Variants in OGDHL observed in about 807,000 individuals in gnomAD.
OGDHL encodes the protein oxoglutarate dehydrogenase L, also known as 2-oxoglutarate dehydrogenase-like, mitochondrial.
A neutral mutation model predicts 109.6 loss-of-function variants in OGDHL; 79 were observed. The ratio of observed to expected loss-of-function variants is 0.72; its 90% CI spans 0.60 to 0.87. The LOEUF is 0.87. Among genes scored for constraint, OGDHL ranks in the 40% least tolerant of loss-of-function variants. The pLI, the probability that OGDHL is intolerant of heterozygous loss-of-function variation, is 0.00. For synonymous variants in OGDHL, 528 were observed against 537.2 expected (o/e 0.98, Z 0.24); for missense variants, 1,275 against 1,362.2 (o/e 0.94, Z 1.01).
chr10:49,752,035 TC>T, intron 5 of OGDHL, 54 bp from the exon 6 acceptor site: 1 of 1,611,980 alleles, frequency 6.2e-7, no homozygotes, highest in Non-Finnish European at 8.5e-7. Context: ...ACGGCTGACA[TC>T]CCTGCTGTCT....
chr10:49,736,547 G>A (rs1208771288), intron 20 of OGDHL, 27 bp from the exon 21 acceptor site: 2 of 1,608,128 alleles, frequency 1.2e-6, no homozygotes, highest in East Asian at 2.2e-5. Flanking sequence ...ACATGGCAGA[G>A]GCGTTGGTAC....
intron 3 of OGDHL, 117 bp downstream of exon 3, chr10:49,756,659 C>T (rs1842933552): frequency 9.5e-7 from 1 of 1,056,390 alleles, no homozygotes; most frequent in African/African-American, 1.6e-5. Context: ...CAGTAGAGGA[C>T]AAGGAGAAGG....
At chr10:49,751,146 C>T (rs1258776351) in intron 6 of OGDHL, among the ~76,000 whole-genome samples, 161 bp from the exon 7 acceptor site, 2 of 152,126 alleles carry the variant, frequency 1.3e-5, no homozygotes, top group African/African-American at 4.8e-5. Flanking sequence ...ACCATGGATA[C>T]ACCTGTCCCA....
chr10:49,754,755 G>A (rs1449106698), intron 3 of OGDHL, among the ~76,000 whole-genome samples: 2 of 151,840 alleles, frequency 1.3e-5, no homozygotes, highest in African/African-American at 4.8e-5. Flanking sequence ...ATGGGACAAT[G>A]GGACAGATGA....
rs117009238 is a variant in OGDHL, at chr10:49,744,434, C to T, written c.1732+216G>A. On this transcript the variant is annotated intron_variant, in intron 13 of 22. Coordinates refer to ENST00000374103, the MANE Select transcript of OGDHL (RefSeq NM_018245.3). ...TCCTCTCCCACCTGGCTATGCCCTC[C>T]CTTTTCAGTGAGCACCTGGCCATCC... Among the ~76,000 whole-genome samples the T allele has an allele frequency of 6.7e-3, 1,022 of 152,250 alleles. 9 individuals are homozygous for T. The highest frequency in any genetic ancestry group is 0.012 in the Non-Finnish European group (806 of 68,010).
intron 20 of OGDHL, among the ~76,000 whole-genome samples, chr10:49,736,783 A>G (rs1316656383): frequency 6.6e-6 from 1 of 152,172 alleles, no homozygotes. Flanking sequence ...GTGGGGGTAC[A>G]ATAAGAAGCG....
At position 49,739,777 on chromosome 10, in the gene OGDHL, C is replaced by A. The variant is rs760594354; in HGVS notation, c.2203G>T (p.Gly735Trp). 1 of 1,614,144 alleles carries A rather than the reference C, an allele frequency of 6.2e-7. No individual in the cohort carries two copies. The change falls in exon 17 of 23, where the codon GGG becomes TGG. Residue 735 changes from glycine to tryptophan, a missense_variant. Physicochemically the swap from Gly to Trp is radical, Grantham distance 184. Coordinates refer to ENST00000374103, the MANE Select transcript of OGDHL (RefSeq NM_018245.3). ...CACTGGGCCGTGTTGTGGAAGTCCC[C>A]AAACTGGGCCTCCCAGAGGACCAGG... ...NALVLWEAQF[G>W]DFHNTAQCII...
chr10:49,742,934 G>A lies in OGDHL; in HGVS notation c.1906C>T (p.Arg636Trp), dbSNP rs773683494. 20 of 1,613,836 alleles carry A rather than the reference G, an allele frequency of 1.2e-5. No homozygotes were observed. In the Admixed American group the frequency reaches 1.8e-4, roughly 15 times the overall value. ...LRGRADMTKN[R>W]TVDWALAEYM... Reference sequence around the variant, plus strand: ...TCTGCCAACGCCCAGTCCACCGTCCGGTTCTTGGTCATGTCCGCACGGCCC... The same window carrying A: ...TCTGCCAACGCCCAGTCCACCGTCCAGTTCTTGGTCATGTCCGCACGGCCC... The change falls in exon 15 of 23, where the codon CGG becomes TGG. Residue 636 changes from arginine to tryptophan, a missense_variant. Coordinates refer to ENST00000374103, the MANE Select transcript of OGDHL (RefSeq NM_018245.3).
Position 49,742,970 on chromosome 10 carries a change from G to A in OGDHL, c.1870C>T (p.Arg624Cys), listed in dbSNP as rs896702031. Reference sequence around the variant, plus strand: ...ATGTCCGCACGGCCCCGCAGAATGCGAGAGAGGCCTGTGGGAAAGGAGTGC... The same window carrying A: ...ATGTCCGCACGGCCCCGCAGAATGCAAGAGAGGCCTGTGGGAAAGGAGTGC... ...EDFKIHTGLS[R>C]ILRGRADMTK... The change falls in exon 15 of 23, where the codon CGC (arginine) becomes TGC (cysteine). Residue 624 changes from arginine to cysteine, a missense_variant. Arg to Cys is a radical substitution (Grantham distance 180). Coordinates refer to ENST00000374103, the MANE Select transcript of OGDHL (RefSeq NM_018245.3). 9 of 1,613,000 alleles carry A rather than the reference G, an allele frequency of 5.6e-6. No homozygotes were observed. Among genetic ancestry groups the A allele is most frequent in the East Asian group, 2.2e-5 (1 of 44,874 alleles).
In OGDHL at chr10:49,744,064, A is replaced by C. The variant is rs1225571551; in HGVS notation, c.1791T>G (p.Pro597=). ...TGCCGATGTGGGTGAGCATGTCCTC[A>C]GGGATCCCCGTGGCTGGGCATGTCA... The part of the protein sequence containing the change: ...KSMTCPATGI[P]EDMLTHIGSV... Residue 597 remains proline, a synonymous_variant, in exon 14 of 23, where the codon CCT becomes CCG. Coordinates refer to ENST00000374103, the MANE Select transcript of OGDHL (RefSeq NM_018245.3). The C allele has an allele frequency of 6.2e-6, 10 of 1,614,138 alleles. 1 individual carries two copies. In the South Asian group the frequency reaches 1.1e-4, roughly 18 times the overall value.
At position 49,745,483 on chromosome 10, in the gene OGDHL, C is replaced by T. The variant is rs757281565; in HGVS notation, c.1490G>A (p.Arg497Gln). Residue 497 changes from arginine to glutamine, a missense_variant, in exon 12 of 23, where the codon CGG becomes CAG. By Grantham distance (43) the Arg-to-Gln change is conservative. Transcript: ENST00000374103. Reference sequence around the variant, plus strand: ...CTCGTCCATCTCATTGTGGCCACGCCGGCGGTAACAGACCTGCAGGAGCAG... The same window carrying T: ...CTCGTCCATCTCATTGTGGCCACGCTGGCGGTAACAGACCTGCAGGAGCAG... The part of the protein sequence containing the change: ...DVVVDLVCYR[R>Q]RGHNEMDEPM... The T allele has an allele frequency of 9.3e-6, 15 of 1,613,940 alleles. No homozygotes were observed. Among genetic ancestry groups the T allele is most frequent in the Admixed American group, 1.7e-5 (1 of 60,024 alleles).
chr10:49,744,799 G>A, intron 12 of OGDHL, 47 bp from the exon 13 acceptor site: 1 of 1,486,442 alleles, frequency 6.7e-7, no homozygotes, highest in Non-Finnish European at 9.4e-7. Context: ...GCCCTGCGCA[G>A]CCAGACGCCC....
At chr10:49,742,481 TCC>T (rs1841842305) in intron 15 of OGDHL, among the ~76,000 whole-genome samples, 10 of 9,166 alleles carry the variant, frequency 1.1e-3, no homozygotes, top group Non-Finnish European at 1.3e-3. Context: ...CCCTATACAC[TCC>T]CCCCACTCAC....
Position 49,738,195 on chromosome 10 carries a change from T to G in OGDHL, c.2387A>C (p.Tyr796Ser), listed in dbSNP as rs1841359617. ...GGGGACAGCAGCAACACTCACAGGG[T>G]AGGCATCCGAGTCATCATTGCTCAT... ...LQMSNDDSDA[Y>S]PAFTKDFEVS... is the part of the protein sequence containing the mutation. Residue 796 changes from tyrosine (Y) to serine (S), a missense_variant, in exon 18 of 23, where the codon TAC becomes TCC. Tyr to Ser is a moderately radical substitution (Grantham distance 144). Transcript: ENST00000374103. 3.7e-6 allele frequency: 6 copies of G among 1,613,858 alleles called. No homozygotes were observed. Among genetic ancestry groups the G allele is most frequent in the Non-Finnish European group, 5.1e-6 (6 of 1,180,010 alleles).
intron 12 of OGDHL, 51 bp from the exon 13 acceptor site, chr10:49,744,803 G>A (rs753166083): frequency 6.8e-7 from 1 of 1,472,624 alleles, no homozygotes; most frequent in Non-Finnish European, 9.5e-7. Flanking sequence ...TGCGCAGCCA[G>A]ACGCCCAGTC....
At position 49,745,595 on chromosome 10, in the gene OGDHL, G is replaced by A. The variant is rs571253273; in HGVS notation, c.1477-99C>T. ...AATATCTGGGTAGGGCACACCCACTGGGAGCCCTTTGAGCTCCACTATCAC... is the reference window on the plus strand; with the variant it reads ...AATATCTGGGTAGGGCACACCCACTAGGAGCCCTTTGAGCTCCACTATCAC... On this transcript the variant is annotated intron_variant, in intron 11 of 22. Coordinates refer to ENST00000374103, the MANE Select transcript of OGDHL (RefSeq NM_018245.3). The A allele has an allele frequency of 5.4e-6, 8 of 1,480,216 alleles. No individual in the cohort carries two copies. In the African/African-American group the frequency reaches 5.5e-5, roughly 10 times the overall value. The allele number at this position is 1,480,216 out of a possible 1,614,324, so 91.7% of individuals were successfully genotyped here.
chr10:49,741,795 T>C lies in OGDHL; in HGVS notation c.2013-958A>G, dbSNP rs186154643. ...ACACACACATCACACATACCACACA[T>C]ACATGCAAAACACACCACACACATA... On this transcript the variant is annotated intron_variant, in intron 15 of 22. Coordinates refer to ENST00000374103, the MANE Select transcript of OGDHL (RefSeq NM_018245.3). 4.7e-4 allele frequency among the ~76,000 whole-genome samples: 52 copies of C among 111,328 alleles called. 1 individual carries two copies. Among genetic ancestry groups the C allele is most frequent in the Middle Eastern group, 0.018 (2 of 114 alleles). 73.0% of individuals were successfully genotyped at this position (111,328 alleles called of 152,430 possible).
chr10:49,756,335 T>TG (rs1458760365), intron 3 of OGDHL, among the ~76,000 whole-genome samples: 1 of 152,142 alleles, frequency 6.6e-6, no homozygotes, highest in Admixed American at 6.5e-5. Flanking sequence ...GAGCAACTGG[T>TG]GGGGGAGAAT....
intron 3 of OGDHL, among the ~76,000 whole-genome samples, chr10:49,755,846 T>G (rs1180148348): frequency 6.6e-6 from 1 of 152,258 alleles, no homozygotes; most frequent in Non-Finnish European, 1.5e-5. Context: ...ACATCCTTGT[T>G]CTTCATTTTT....
Sources: allele counts gnomAD v4.1 joint callset (sites outside exome capture counted in the v4.1 genomes callset), GRCh38; gene constraint gnomAD v4.1.1; transcripts MANE v1.5; gene names NCBI Gene and HGNC (gene_info 2026-07-23, HGNC 2026-07-21).